Variants in FOXI1 observed in about 807,000 individuals in gnomAD.
FOXI1 encodes the protein forkhead box I1, also known as forkhead box protein I1.
In FOXI1, 11 loss-of-function variants were observed where a neutral mutation model predicts 16.4. The ratio of observed to expected loss-of-function variants is 0.67; its 90% CI spans 0.42 to 1.11. The LOEUF is 1.11. FOXI1 is among the 50% of genes least tolerant of loss of function. The pLI is 0.00. For missense variants in FOXI1, 480 were observed against 506.1 expected (o/e 0.95, Z 0.49); for synonymous variants, 218 against 211.5 (o/e 1.03, Z -0.27).
At chr5:170,106,618 G>T in intron 1 of FOXI1, 87 bp downstream of exon 1, 1 of 1,559,186 alleles carries the variant, frequency 6.4e-7, no homozygotes, top group South Asian at 1.2e-5. Flanking sequence ...GTTCTGACTA[G>T]GGCTGTGCCC....
chr5:170,107,983 T>A (rs545871909), intron 1 of FOXI1, 66 bp from the exon 2 acceptor site: 4 of 1,282,398 alleles, frequency 3.1e-6, no homozygotes, highest in African/African-American at 2.9e-5. Flanking sequence ...TTTATGACAA[T>A]AAGGAGGAAC....
chr5:170,108,157 C>A lies in FOXI1; in HGVS notation c.683C>A (p.Ser228Tyr), dbSNP rs753194589. Residue 228 changes from serine (S) to tyrosine (Y), a missense_variant, in exon 2 of 2, where the codon TCC becomes TAC. Transcript: ENST00000306268. ...RKSDVSSSTA[S>Y]LALEKTESSL... is the part of the protein sequence containing the mutation. ...TCAGATGTTTCCTCTAGCACAGCCTCCTTGGCCTTAGAGAAGACAGAGAGC... is the reference window on the plus strand; with the variant it reads ...TCAGATGTTTCCTCTAGCACAGCCTACTTGGCCTTAGAGAAGACAGAGAGC... The A allele has an allele frequency of 6.2e-7, 1 of 1,614,150 alleles. No homozygotes were observed. The highest frequency in any genetic ancestry group is 1.7e-5 in the Admixed American group (1 of 60,028).
chr5:170,108,445 C>T lies in FOXI1; in HGVS notation c.971C>T (p.Pro324Leu), dbSNP rs780081377. The change falls in exon 2 of 2, where the codon CCG (proline) becomes CTG (leucine). Residue 324 changes from proline to leucine, a missense_variant. Pro to Leu is a moderately conservative substitution (Grantham distance 98, BLOSUM62 -3). Around this residue, in one of 3 missense-constraint regions of FOXI1, gnomAD observed 257 missense variants for 262.2 expected, o/e 0.98. Transcript: ENST00000306268. ...QNSLTFNSFS[P>L]LTNLSNHSGG... ...TCACTGACCTTCAACTCCTTCTCCC[C>T]GCTCACCAACCTCAGCAACCACAGC... 1.4e-5 allele frequency: 22 copies of T among 1,603,486 alleles called. No individual in the cohort carries two copies. The highest frequency in any genetic ancestry group is 1.7e-4 in the Middle Eastern group (1 of 6,024).
chr5:170,106,993 G>C, intron 1 of FOXI1: 1 of 985,430 alleles, frequency 1.0e-6, no homozygotes, highest in Non-Finnish European at 1.2e-6. Context: ...AGACTGCCAG[G>C]AAGAGGATCT....
At chr5:170,107,575 G>T (rs566240380) in intron 1 of FOXI1, among the ~76,000 whole-genome samples, 35 of 152,340 alleles carry the variant, frequency 2.3e-4, no homozygotes, top group South Asian at 2.1e-3. Context: ...GGGGCAATGG[G>T]CCCACTTTTC....
At position 170,109,022 on chromosome 5, in the gene FOXI1, G is replaced by T; in HGVS notation, c.*411G>T. On this transcript the variant is annotated 3_prime_UTR_variant, in exon 2 of 2. Coordinates refer to ENST00000306268, the MANE Select transcript of FOXI1 (RefSeq NM_012188.5). ...TGGCAGAGCTAAGAGTCAAATCCAG[G>T]TCTATGTGATCCTCAGAGATTGGAG... The T allele has an allele frequency of 5.8e-6, 1 of 171,878 alleles. No homozygotes were observed. Among genetic ancestry groups the T allele is most frequent in the Non-Finnish European group, 1.2e-5 (1 of 80,696 alleles). 10.6% of individuals were successfully genotyped at this position (171,878 alleles called of 1,614,324 possible). A position where few individuals can be genotyped will look rare whatever the true frequency, so the allele number is the denominator to read the frequency against.
In FOXI1 at chr5:170,108,766, G is replaced by A; in HGVS notation, c.*155G>A. The stretch of plus-strand genomic sequence containing the variant: ...CCCTCTTTCTAGAACACTGGTTAAG[G>A]CTTCTGTTTATCACACATAGGCCCA... On this transcript the variant is annotated 3_prime_UTR_variant, in exon 2 of 2. Transcript: ENST00000306268. 1.5e-6 allele frequency: 1 copy of A among 665,790 alleles called. No individual in the cohort carries two copies. Among genetic ancestry groups the A allele is most frequent in the Admixed American group, 2.4e-5 (1 of 42,174 alleles). 41.2% of individuals were successfully genotyped at this position (665,790 alleles called of 1,614,324 possible).
In FOXI1 at chr5:170,108,834, C is replaced by T. The variant is rs1196939540; in HGVS notation, c.*223C>T. 8.5e-6 allele frequency: 5 copies of T among 591,518 alleles called. No homozygotes were observed. The East Asian group carries it at 1.4e-4, about 17-fold the overall frequency. 36.6% of individuals were successfully genotyped at this position (591,518 alleles called of 1,614,324 possible). On this transcript the variant is annotated 3_prime_UTR_variant, in exon 2 of 2. Transcript: ENST00000306268. ...TTTGCAATAGAAATACTGGTGCCTG[C>T]AGAGCAGCACTAACAGTGGCAGGTG...
Position 170,106,035 on chromosome 5 carries a change from C to T in FOXI1, c.78C>T (p.Pro26=), listed in dbSNP as rs751079599. ...PQFPSIGQEP[P]EMNLYYENFF... ...TCCCCAGCATCGGCCAGGAGCCCCC[C>T]GAGATGAACCTCTACTATGAGAACT... is the stretch of plus-strand genomic sequence containing the variant. The change falls in exon 1 of 2, where the codon CCC becomes CCT. Residue 26 remains proline, a synonymous_variant. Transcript: ENST00000306268. 1.8e-5 allele frequency: 29 copies of T among 1,612,402 alleles called. No homozygotes were observed. Among genetic ancestry groups the T allele is most frequent in the Non-Finnish European group, 2.5e-5 (29 of 1,178,844 alleles).
chr5:170,107,921 A>C, intron 1 of FOXI1, 128 bp from the exon 2 acceptor site: 1 of 757,634 alleles, frequency 1.3e-6, no homozygotes, highest in Non-Finnish European at 2.4e-6. Context: ...TCCATTTCTC[A>C]GTCCCTGCCT....
At position 170,105,933 on chromosome 5, in the gene FOXI1, T is replaced by G. The variant is rs369454313; in HGVS notation, c.-25T>G. ...CTCCGGGGTGCAGGTGCCAGGCAGG[T>G]GGCTCCGGCCAGCCCAGCCCCAGCA... is the stretch of plus-strand genomic sequence containing the variant. On this transcript the variant is annotated 5_prime_UTR_variant, in exon 1 of 2. Coordinates refer to ENST00000306268, the MANE Select transcript of FOXI1 (RefSeq NM_012188.5). 6.4e-7 allele frequency: 1 copy of G among 1,567,710 alleles called. No homozygotes were observed. The highest frequency in any genetic ancestry group is 1.7e-5 in the Admixed American group (1 of 59,286).
Position 170,108,686 on chromosome 5 carries a change from G to A in FOXI1, c.*75G>A. On this transcript the variant is annotated 3_prime_UTR_variant, in exon 2 of 2. Coordinates refer to ENST00000306268, the MANE Select transcript of FOXI1 (RefSeq NM_012188.5). ...AGAGGTCCTCCATGCCAGCCCCACG[G>A]TGGTCCATGACTGCGGAACTGCCCA... 1 of 1,197,146 alleles carries A rather than the reference G, an allele frequency of 8.4e-7. No individual in the cohort carries two copies. The highest frequency in any genetic ancestry group is 1.2e-6 in the Non-Finnish European group (1 of 801,766). The allele number at this position is 1,197,146 out of a possible 1,614,324, so 74.2% of individuals were successfully genotyped here. A position where few individuals can be genotyped will look rare whatever the true frequency, so the allele number is the denominator to read the frequency against.
In FOXI1 at chr5:170,106,160, C is replaced by T; in HGVS notation, c.203C>T (p.Pro68Leu). 1 of 1,604,888 alleles carries T rather than the reference C, an allele frequency of 6.2e-7. No homozygotes were observed. The highest frequency in any genetic ancestry group is 1.1e-5 in the South Asian group (1 of 90,080). The change falls in exon 1 of 2, where the codon CCC (proline) becomes CTC (leucine). Residue 68 changes from proline to leucine, a missense_variant. Pro to Leu is a moderately conservative substitution (Grantham distance 98). This residue lies in a region of FOXI1 where 219 missense variants were observed against 222.9 expected (regional missense o/e 0.98). Transcript: ENST00000306268. ...AACCCCTACCTCTGGTTCAACGGGCCCACCATGACCCCGCCACCCTACCTG... is the reference window on the plus strand; with the variant it reads ...AACCCCTACCTCTGGTTCAACGGGCTCACCATGACCCCGCCACCCTACCTG... ...TPNPYLWFNG[P>L]TMTPPPYLPG... is the part of the protein sequence containing the mutation.
chr5:170,106,674 C>G (rs1758499819), intron 1 of FOXI1, 143 bp downstream of exon 1: 25 of 1,295,324 alleles, frequency 1.9e-5, no homozygotes, highest in Admixed American at 4.6e-5. Flanking sequence ...GGGAGCTCAG[C>G]AGTGAAGGAG....
rs547274131 is a variant in FOXI1, at chr5:170,107,527, C to G, written c.575-522C>G. Among the ~76,000 whole-genome samples the G allele has an allele frequency of 5.9e-5, 9 of 152,318 alleles. No homozygotes were observed. The East Asian group carries it at 1.5e-3, about 26-fold the overall frequency. ...CCAGCTGCAACGCTCCTTTCCATAT[C>G]CGGTGTGGATCCTTTCTCAGTGGGC... On this transcript the variant is annotated intron_variant, in intron 1 of 1. Transcript: ENST00000306268.
intron 1 of FOXI1, 63 bp from the exon 2 acceptor site, chr5:170,107,986 G>C (rs1039466950): frequency 7.7e-7 from 1 of 1,303,522 alleles, no homozygotes; most frequent in Non-Finnish European, 1.1e-6. Context: ...ATGACAATAA[G>C]GAGGAACAGA....
At chr5:170,106,556 G>A (rs371093479) in intron 1 of FOXI1, 25 bp downstream of exon 1, 4 of 1,613,818 alleles carry the variant, frequency 2.5e-6, no homozygotes, top group Non-Finnish European at 3.4e-6. Flanking sequence ...AGTGTGGGGG[G>A]TGTCCCCAAG....
intron 1 of FOXI1, among the ~76,000 whole-genome samples, chr5:170,106,756 G>A (rs1320084770): frequency 6.6e-6 from 1 of 152,278 alleles, no homozygotes; most frequent in African/African-American, 2.4e-5. Context: ...CCTCTGGCAG[G>A]TTAGACCTCA....
At chr5:170,106,982 A>T in intron 1 of FOXI1, 1 of 985,448 alleles carries the variant, frequency 1.0e-6, no homozygotes, top group South Asian at 4.7e-5. Context: ...AGGGCATCCC[A>T]AGACTGCCAG....
Sources: gnomAD v4.1 joint callset for allele counts (sites outside exome capture counted in the v4.1 genomes callset) on GRCh38, gnomAD v4.1.1 for gene constraint, gnomAD v4.1.1 regional missense constraint, MANE v1.5 for transcripts, NCBI Gene and HGNC (gene_info 2026-07-23, HGNC 2026-07-21) for gene names.